Variants in AHCYL2 observed in about 807,000 individuals in gnomAD.
AHCYL2 encodes S-adenosylhomocysteine hydrolase-like protein 2.
In AHCYL2, 28 loss-of-function variants were observed where a neutral mutation model predicts 81.4. The ratio of observed to expected loss-of-function variants is 0.34; its 90% CI spans 0.25 to 0.47. The LOEUF is 0.47. Among genes scored for constraint, AHCYL2 ranks in the 20% least tolerant of loss-of-function variants. AHCYL2 has a pLI of 1.00. For synonymous variants in AHCYL2, 272 were observed against 290.2 expected, an observed-to-expected ratio of 0.94 and a Z score of 0.64; for missense variants, 551 against 785.1, an observed-to-expected ratio of 0.70 and a Z score of 3.56.
chr7:129,360,274 G>A (rs545412328), intron 1 of AHCYL2, among the ~76,000 whole-genome samples: 1 of 152,086 alleles, frequency 6.6e-6, no homozygotes, highest in African/African-American at 2.4e-5. Context: ...GTACCACCAC[G>A]CTCGGCTAAT....
At position 129,251,473 on chromosome 7, in the gene AHCYL2, ATTTAG is replaced by A. The variant is rs1795249411; in HGVS notation, c.363+26039_363+26043del. On this transcript the variant is annotated intron_variant, in intron 1 of 16. Coordinates refer to ENST00000325006, the MANE Select transcript of AHCYL2 (RefSeq NM_015328.4). ...CATTCTAGAGTAGGAATTGTTGTCT[ATTTAG>A]TTTAAACAGGATTTTTTTCCAGTTT... Among the ~76,000 whole-genome samples the A allele has an allele frequency of 3.3e-5, 5 of 152,194 alleles. No homozygotes were observed. In the South Asian group the frequency reaches 1.0e-3, roughly 32 times the overall value.
At chr7:129,284,336 G>T (rs1484648807) in intron 1 of AHCYL2, among the ~76,000 whole-genome samples, 2 of 152,114 alleles carry the variant, frequency 1.3e-5, no homozygotes, top group Non-Finnish European at 2.9e-5. Context: ...GGTGGCTCAC[G>T]CCTGTAATCC....
chr7:129,378,456 C>T (rs1005018727), intron 1 of AHCYL2, among the ~76,000 whole-genome samples: 2 of 152,128 alleles, frequency 1.3e-5, no homozygotes, highest in Admixed American at 6.6e-5. Flanking sequence ...TATTGAATTT[C>T]CTGCTATGTT....
intron 1 of AHCYL2, among the ~76,000 whole-genome samples, chr7:129,237,615 G>A (rs1235422687): frequency 1.3e-5 from 2 of 151,856 alleles, no homozygotes; most frequent in African/African-American, 2.4e-5. Flanking sequence ...GAGCCCCAAT[G>A]ATATCTCGGA....
chr7:129,280,239 G>A (rs1407453899), intron 1 of AHCYL2, among the ~76,000 whole-genome samples: 2 of 132,904 alleles, frequency 1.5e-5, no homozygotes, highest in East Asian at 2.3e-4. Flanking sequence ...GCACGATCTC[G>A]GCTCACTGCA....
At chr7:129,292,258 C>G (rs948752461) in intron 1 of AHCYL2, among the ~76,000 whole-genome samples, 5 of 152,132 alleles carry the variant, frequency 3.3e-5, no homozygotes, top group Non-Finnish European at 5.9e-5. Context: ...GGCAGCCATC[C>G]TAGTTTCTTC....
At chr7:129,232,939 G>C (rs1794498518) in intron 1 of AHCYL2, among the ~76,000 whole-genome samples, 2 of 152,200 alleles carry the variant, frequency 1.3e-5, no homozygotes, top group Non-Finnish European at 2.9e-5. Flanking sequence ...TTCAGCCAGT[G>C]TTGACTTCTG....
chr7:129,235,868 T>G (rs554636572), intron 1 of AHCYL2, among the ~76,000 whole-genome samples: 1 of 152,226 alleles, frequency 6.6e-6, no homozygotes, highest in African/African-American at 2.4e-5. Context: ...CTTAAACCAT[T>G]CTTCCATTGA....
intron 1 of AHCYL2, among the ~76,000 whole-genome samples, chr7:129,274,138 CTG>C (rs1796114203): frequency 6.6e-6 from 1 of 152,184 alleles, no homozygotes; most frequent in African/African-American, 2.4e-5. Context: ...GGGCCAGTAA[CTG>C]TTATGTGTCT....
chr7:129,315,060 T>C (rs1444456064), intron 1 of AHCYL2, among the ~76,000 whole-genome samples: 3 of 152,150 alleles, frequency 2.0e-5, no homozygotes, highest in Non-Finnish European at 4.4e-5. Flanking sequence ...TAGTTGGTGC[T>C]CTGTAAGTGA....
At chr7:129,239,441 T>G (rs926376980) in intron 1 of AHCYL2, among the ~76,000 whole-genome samples, 10 of 151,864 alleles carry the variant, frequency 6.6e-5, no homozygotes, top group Non-Finnish European at 1.3e-4. Flanking sequence ...TTTTTTTTTT[T>G]TTTTTAGAGA....
chr7:129,358,485 C>G (rs939471376), intron 1 of AHCYL2, among the ~76,000 whole-genome samples: 6 of 152,032 alleles, frequency 3.9e-5, no homozygotes, highest in African/African-American at 1.2e-4. Flanking sequence ...AGTGAAATGT[C>G]AGTCACAAAA....
chr7:129,284,163 G>A (rs1313246783), intron 1 of AHCYL2, among the ~76,000 whole-genome samples: 3 of 152,112 alleles, frequency 2.0e-5, no homozygotes, highest in African/African-American at 4.8e-5. Context: ...AGTAATAAAC[G>A]AAAGAAAGTT....
At chr7:129,267,032 A>C (rs1467313526) in intron 1 of AHCYL2, among the ~76,000 whole-genome samples, 1 of 152,208 alleles carries the variant, frequency 6.6e-6, no homozygotes, top group African/African-American at 2.4e-5. Context: ...ATAGAGCATA[A>C]TACTAAGCAG....
At chr7:129,289,705 G>A (rs1796767622) in intron 1 of AHCYL2, among the ~76,000 whole-genome samples, 1 of 151,692 alleles carries the variant, frequency 6.6e-6, no homozygotes, top group African/African-American at 2.4e-5. Flanking sequence ...TAAACTCTTG[G>A]GTTTAAACAT....
chr7:129,299,003 A>G (rs1797150853), intron 1 of AHCYL2, among the ~76,000 whole-genome samples: 1 of 152,210 alleles, frequency 6.6e-6, no homozygotes, highest in Admixed American at 6.5e-5. Flanking sequence ...GAAAAAAAGT[A>G]TATAGGCAAT....
intron 1 of AHCYL2, among the ~76,000 whole-genome samples, chr7:129,317,772 A>G (rs1797876311): frequency 6.6e-6 from 1 of 152,188 alleles, no homozygotes; most frequent in Admixed American, 6.5e-5. Context: ...ACACTTCCCT[A>G]GCAAGCTTAT....
intron 2 of AHCYL2, among the ~76,000 whole-genome samples, chr7:129,382,749 T>C (rs1795021659): frequency 1.3e-5 from 2 of 151,060 alleles, no homozygotes; most frequent in Admixed American, 1.3e-4. Flanking sequence ...CTACTAAACA[T>C]ACAAAAATTA....
chr7:129,283,960 T>A (rs937354530), intron 1 of AHCYL2, among the ~76,000 whole-genome samples: 1 of 152,172 alleles, frequency 6.6e-6, no homozygotes, highest in Non-Finnish European at 1.5e-5. Flanking sequence ...ATTTAAAAAA[T>A]TTTAATATCT....
Sources: gnomAD v4.1 joint callset for allele counts (sites outside exome capture counted in the v4.1 genomes callset) on GRCh38, gnomAD v4.1.1 for gene constraint, MANE v1.5 for transcripts, NCBI Gene and HGNC (gene_info 2026-07-23, HGNC 2026-07-21) for gene names.